Variants in ANP32B observed in about 807,000 individuals in gnomAD.
The protein encoded by ANP32B is acidic leucine-rich nuclear phosphoprotein 32 family member B.
A neutral mutation model predicts 32.2 loss-of-function variants in ANP32B; 6 were observed. The observed-to-expected ratio is 0.19, with a 90% CI of 0.10 to 0.37. The LOEUF is 0.37. Ranked by LOEUF, ANP32B falls within the 10% of genes least tolerant of loss-of-function variation. The pLI, the probability that ANP32B is intolerant of heterozygous loss-of-function variation, is 1.00. For synonymous variants in ANP32B, 98 were observed against 105.8 expected, an observed-to-expected ratio of 0.93 and a Z score of 0.45; for missense variants, 204 against 289.2, an observed-to-expected ratio of 0.71 and a Z score of 2.14.
At chr9:98,011,234 G>C in intron 4 of ANP32B, 37 bp from the exon 5 acceptor site, 1 of 1,548,156 alleles carries the variant, frequency 6.5e-7, no homozygotes, top group Non-Finnish European at 8.7e-7. Flanking sequence ...GTGGAGCGTC[G>C]AGGATATTTA....
intron 4 of ANP32B, among the ~76,000 whole-genome samples, chr9:98,010,983 C>T (rs998212870): frequency 1.3e-5 from 2 of 152,058 alleles, no homozygotes; most frequent in Non-Finnish European, 2.9e-5. Flanking sequence ...TCCTGCATAC[C>T]CTTACCTTCT....
intron 1 of ANP32B, among the ~76,000 whole-genome samples, chr9:97,984,297 T>C (rs1326084924): frequency 2.0e-5 from 3 of 151,006 alleles, no homozygotes; most frequent in African/African-American, 7.3e-5. Context: ...CGAGGCCAAG[T>C]TTGAAAAAAG....
At position 98,012,834 on chromosome 9, in the gene ANP32B, C is replaced by T. The variant is rs1372767716; in HGVS notation, c.688+362C>T. ...CAAGTTCCGCCTCCTAGGTTCAAGC[C>T]ATTCTCCTGCCTCAGCCTCCAGAGT... On this transcript the variant is annotated intron_variant, in intron 6 of 6. Transcript: ENST00000339399. Among the ~76,000 whole-genome samples the T allele has an allele frequency of 1.3e-5, 2 of 152,150 alleles. 1 individual carries two copies. The highest frequency in any genetic ancestry group is 3.9e-4 in the East Asian group (2 of 5,190).
intron 3 of ANP32B, among the ~76,000 whole-genome samples, chr9:98,001,192 A>ATTTTTTTTTTTTT (rs756650846): frequency 7.4e-6 from 1 of 135,742 alleles, no homozygotes; most frequent in East Asian, 2.1e-4. Flanking sequence ...TTCTGGTTTA[A>ATTTTTTTTTTTTT]TTTTTTTTTT....
In ANP32B at chr9:97,999,799, C is replaced by T. The variant is rs985880824; in HGVS notation, c.327+1121C>T. ...GGGCTTCCAGAGGCAGGACTGGAGG[C>T]AGGGGGCTTAATGCAGTTTGTAGGG... On this transcript the variant is annotated intron_variant, in intron 3 of 6. Coordinates refer to ENST00000339399, the MANE Select transcript of ANP32B (RefSeq NM_006401.3). Among the ~76,000 whole-genome samples the T allele has an allele frequency of 4.6e-5, 7 of 152,262 alleles. No homozygotes were observed. The South Asian group carries it at 1.4e-3, about 32-fold the overall frequency.
intron 4 of ANP32B, among the ~76,000 whole-genome samples, chr9:98,006,803 A>T (rs970401223): frequency 2.0e-5 from 3 of 152,188 alleles, no homozygotes; most frequent in African/African-American, 7.2e-5. Flanking sequence ...AGCCTGGCCA[A>T]CATGGGGAAA....
intron 1 of ANP32B, among the ~76,000 whole-genome samples, chr9:97,987,160 T>C (rs1827750163): frequency 6.6e-6 from 1 of 152,198 alleles, no homozygotes; most frequent in South Asian, 2.1e-4. Flanking sequence ...GGGCGAGGGA[T>C]TGTAAAGAAA....
intron 2 of ANP32B, among the ~76,000 whole-genome samples, chr9:97,997,890 A>G (rs1307090235): frequency 1.3e-5 from 2 of 152,186 alleles, no homozygotes; most frequent in Non-Finnish European, 2.9e-5. Context: ...TGCCTGTGCT[A>G]CTTGACCTGC....
At chr9:97,985,253 C>T (rs1011799832) in intron 1 of ANP32B, among the ~76,000 whole-genome samples, 1 of 152,086 alleles carries the variant, frequency 6.6e-6, no homozygotes, top group African/African-American at 2.4e-5. Flanking sequence ...GGGAATTCGT[C>T]GACCAGGGTT....
rs145463277 is a variant in ANP32B at position 97,993,214 on chromosome 9, AT to A, written c.55-1416del. On this transcript the variant is annotated intron_variant, in intron 1 of 6. Coordinates refer to ENST00000339399, the MANE Select transcript of ANP32B (RefSeq NM_006401.3). ...AGTGAGAAGCGGTTAGGCACTTACT[AT>A]GTTGTGGGCATTGCTGACTTGAAAT... is the stretch of plus-strand genomic sequence containing the variant. 2.0e-3 allele frequency among the ~76,000 whole-genome samples: 305 copies of A among 152,288 alleles called. 1 individual carries two copies. The highest frequency in any genetic ancestry group is 6.8e-3 in the African/African-American group (283 of 41,568).
chr9:97,998,709 T>C (rs774134162), intron 3 of ANP32B, 31 bp downstream of exon 3: 1 of 1,516,128 alleles, frequency 6.6e-7, no homozygotes. Context: ...AAACTGGAAC[T>C]TACTGGTCAT....
intron 3 of ANP32B, among the ~76,000 whole-genome samples, chr9:98,003,014 G>C (rs1406292553): frequency 6.6e-6 from 1 of 152,142 alleles, no homozygotes; most frequent in Non-Finnish European, 1.5e-5. Context: ...CATCTGGGGT[G>C]GCATTGCAGC....
chr9:98,015,441 T>A lies in ANP32B; in HGVS notation c.*10T>A. 1 of 1,548,984 alleles carries A rather than the reference T, an allele frequency of 6.5e-7. No homozygotes were observed. The highest frequency in any genetic ancestry group is 8.7e-7 in the Non-Finnish European group (1 of 1,146,678). ...AGGAGAAGATGATTAAGACCCCAGA[T>A]GACCTGCAGAAACAGAACTGTTCAG... On this transcript the variant is annotated 3_prime_UTR_variant, in exon 7 of 7. Coordinates refer to ENST00000339399, the MANE Select transcript of ANP32B (RefSeq NM_006401.3).
At chr9:98,013,620 C>T (rs535307742) in intron 6 of ANP32B, among the ~76,000 whole-genome samples, 4 of 152,132 alleles carry the variant, frequency 2.6e-5, no homozygotes, top group African/African-American at 9.6e-5. Flanking sequence ...TAGCTGGGAC[C>T]GGGTGTGGTG....
intron 1 of ANP32B, among the ~76,000 whole-genome samples, chr9:97,994,103 A>G (rs996271150): frequency 3.3e-5 from 5 of 152,258 alleles, no homozygotes; most frequent in African/African-American, 9.6e-5. Context: ...TTTTTTTCCC[A>G]GTGTCAAGAT....
At position 97,983,629 on chromosome 9, in the gene ANP32B, G is replaced by A; in HGVS notation, c.54+20G>A. 2 of 1,547,336 alleles carry A rather than the reference G, an allele frequency of 1.3e-6. No individual in the cohort carries two copies. Among genetic ancestry groups the A allele is most frequent in the African/African-American group, 1.4e-5 (1 of 71,276 alleles). On this transcript the variant is annotated intron_variant, in intron 1 of 6. Coordinates refer to ENST00000339399, the MANE Select transcript of ANP32B (RefSeq NM_006401.3). ...GCAGCTGTAAGCAGAGACCCCTCTG[G>A]GTGCCCTCTCCCCCGATGACTTGCA...
intron 2 of ANP32B, 69 bp from the exon 3 acceptor site, chr9:97,998,487 C>A (rs1827939940): frequency 7.4e-6 from 11 of 1,491,104 alleles, no homozygotes; most frequent in African/African-American, 2.8e-5. Flanking sequence ...TTGTTACTTA[C>A]AATACCTTAA....
chr9:97,998,520 T>A (rs1159856435), intron 2 of ANP32B, 36 bp from the exon 3 acceptor site: 1 of 1,582,288 alleles, frequency 6.3e-7, no homozygotes, highest in Admixed American at 1.9e-5. Context: ...TCTCTGTGTG[T>A]ATTTGTGTTT....
chr9:97,994,720 T>C lies in ANP32B; in HGVS notation c.144T>C (p.Ser48=), dbSNP rs752713432. ...TAEFVNLEFL[S]LINVGLISVS... ...AATTTGTGAACTTAGAGTTCCTCAG[T>C]TTAATAAATGTAGGCTTGATCTCAG... The change falls in exon 2 of 7, where the codon AGT becomes AGC. Residue 48 remains serine (S), a synonymous_variant. Coordinates refer to ENST00000339399, the MANE Select transcript of ANP32B (RefSeq NM_006401.3). 3 of 1,611,872 alleles carry C rather than the reference T, an allele frequency of 1.9e-6. No individual in the cohort carries two copies. In the African/African-American group the frequency reaches 4.0e-5, roughly 22 times the overall value.
Sources: gnomAD v4.1 joint callset for allele counts (sites outside exome capture counted in the v4.1 genomes callset) on GRCh38, gnomAD v4.1.1 for gene constraint, MANE v1.5 for transcripts, NCBI Gene and HGNC (gene_info 2026-07-23, HGNC 2026-07-21) for gene names.